The following DGKH variants were observed in gnomAD, a reference collection of about 807,000 sequenced individuals.
DGKH encodes the protein diacylglycerol kinase eta, also known as DAG kinase eta.
A neutral mutation model predicts 159.3 loss-of-function variants in DGKH; 90 were observed. The ratio of observed to expected loss-of-function variants is 0.57; its 90% CI spans 0.48 to 0.67. The LOEUF is 0.67. Among genes scored for constraint, DGKH ranks in the 30% least tolerant of loss-of-function variants. The pLI, the probability that DGKH is intolerant of heterozygous loss-of-function variation, is 0.00. For missense variants in DGKH, 1,181 were observed against 1,506.1 expected (o/e 0.78, Z 3.57); for synonymous variants, 536 against 553.8 (o/e 0.97, Z 0.45).
At chr13:42,221,487 C>T (rs1594235252) in intron 29 of DGKH, 93 bp downstream of exon 29, 2 of 1,512,384 alleles carry the variant, frequency 1.3e-6, no homozygotes, top group East Asian at 2.3e-5. Context: ...TTTAGCTTCG[C>T]TTATGTCATG....
intron 1 of DGKH, among the ~76,000 whole-genome samples, chr13:42,075,528 T>C (rs1394774850): frequency 6.6e-6 from 1 of 152,208 alleles, no homozygotes; most frequent in Non-Finnish European, 1.5e-5. Context: ...CCTTAAATCT[T>C]TCAGAAGCCC....
At position 42,241,674 on chromosome 13, in the gene DGKH, A is replaced by G. The variant is rs998548130; in HGVS notation, c.*12486A>G. 1.3e-5 allele frequency: 2 copies of G among 152,236 alleles called. No individual in the cohort carries two copies. The highest frequency in any genetic ancestry group is 1.9e-4 in the East Asian group (1 of 5,202). 9.4% of individuals were successfully genotyped at this position (152,236 alleles called of 1,614,324 possible). A position where few individuals can be genotyped will look rare whatever the true frequency, so the allele number is the denominator to read the frequency against. On this transcript the variant is annotated 3_prime_UTR_variant, in exon 30 of 30. Coordinates refer to ENST00000337343, the MANE Select transcript of DGKH (RefSeq NM_178009.5). Reference sequence around the variant, plus strand: ...AAGGGAAAAAGTAATGCTTTCTGGTATACTTCAGAGGCTCCATTTGAAGAT... The same window carrying G: ...AAGGGAAAAAGTAATGCTTTCTGGTGTACTTCAGAGGCTCCATTTGAAGAT...
At chr13:42,247,560 A>G (rs1225393631), downstream of DGKH, among the ~76,000 whole-genome samples, 1 of 152,122 alleles carries the variant, frequency 6.6e-6, no homozygotes, top group Admixed American at 6.5e-5. Context: ...ATTAGAGGGT[A>G]CTCCTACTTA....
At chr13:42,160,445 C>A (rs1258965211) in intron 7 of DGKH, among the ~76,000 whole-genome samples, 1 of 152,178 alleles carries the variant, frequency 6.6e-6, no homozygotes, top group African/African-American at 2.4e-5. Flanking sequence ...TATTTTACTA[C>A]CTGAAAGCCC....
intron 5 of DGKH, 143 bp from the exon 6 acceptor site, chr13:42,159,123 A>C (rs906470417): frequency 1.3e-5 from 7 of 537,498 alleles, no homozygotes; most frequent in Admixed American, 6.9e-5. Flanking sequence ...TTGTTGCAGA[A>C]TAATTTAATC....
intron 26 of DGKH, chr13:42,216,810 T>C (rs1408124510): frequency 2.0e-5 from 3 of 152,228 alleles, no homozygotes; most frequent in South Asian, 4.1e-4. Context: ...GAGCCCCTTC[T>C]TGGCTTTTTT....
intron 29 of DGKH, among the ~76,000 whole-genome samples, chr13:42,226,041 A>G (rs1353354707): frequency 6.6e-6 from 1 of 152,138 alleles, no homozygotes; most frequent in Non-Finnish European, 1.5e-5. Context: ...AATTTTTGCA[A>G]TCTGTCCATC....
At chr13:42,152,025 A>G (rs1251961115) in intron 3 of DGKH, among the ~76,000 whole-genome samples, 3 of 152,088 alleles carry the variant, frequency 2.0e-5, no homozygotes. Context: ...TGCATTTCTC[A>G]TGATGAGTGA....
chr13:42,213,516 C>A (rs1957715333), intron 24 of DGKH, among the ~76,000 whole-genome samples: 1 of 152,202 alleles, frequency 6.6e-6, no homozygotes, highest in Non-Finnish European at 1.5e-5. Context: ...CTTTATCCAT[C>A]TCTGTTCTTC....
At chr13:42,250,366 A>G (rs1422982043) in intron 29 of DGKH, among the ~76,000 whole-genome samples, 4 of 152,196 alleles carry the variant, frequency 2.6e-5, no homozygotes, top group Admixed American at 6.5e-5. Context: ...TATACATTGT[A>G]TAATGATCAA....
intron 24 of DGKH, among the ~76,000 whole-genome samples, chr13:42,212,579 T>C (rs535241943): frequency 6.6e-6 from 1 of 152,354 alleles, no homozygotes; most frequent in African/African-American, 2.4e-5. Context: ...AAGCGAAGAT[T>C]GACTAGGCTT....
At chr13:42,048,640 G>C, upstream of DGKH, 1 of 1,125,630 alleles carries the variant, frequency 8.9e-7, no homozygotes. The surrounding 1 kb of genome is among the most constrained non-coding windows in gnomAD (Gnocchi z 6.7). Flanking sequence ...ACCTCGCGGG[G>C]GTAGCTAGGG....
At chr13:42,139,617 T>C (rs1955489719) in intron 3 of DGKH, among the ~76,000 whole-genome samples, 1 of 152,192 alleles carries the variant, frequency 6.6e-6, no homozygotes, top group African/African-American at 2.4e-5. Context: ...TCTGTCCTAG[T>C]CTGTTGCACA....
At chr13:42,250,260 C>T (rs1046111005) in intron 29 of DGKH, among the ~76,000 whole-genome samples, 12 of 150,816 alleles carry the variant, frequency 8.0e-5, no homozygotes, top group Admixed American at 1.3e-4. Flanking sequence ...TGAGCCCCCA[C>T]GACCGGCCAC....
intron 1 of DGKH, among the ~76,000 whole-genome samples, chr13:42,100,227 G>C (rs536377209): frequency 6.6e-6 from 1 of 152,324 alleles, no homozygotes; most frequent in Non-Finnish European, 1.5e-5. Context: ...CAGGGATCTA[G>C]GTTGTGCACT....
At chr13:42,195,509 A>G (rs1957185078) in intron 17 of DGKH, among the ~76,000 whole-genome samples, 1 of 152,184 alleles carries the variant, frequency 6.6e-6, no homozygotes, top group African/African-American at 2.4e-5. Flanking sequence ...CTCAGAAAAC[A>G]AACAAACAAA....
upstream of DGKH, among the ~76,000 whole-genome samples, chr13:42,047,072 C>T (rs1284064402): frequency 2.0e-5 from 3 of 152,240 alleles, no homozygotes; most frequent in Non-Finnish European, 2.9e-5. Context: ...GAGTTCTAAG[C>T]GTTCTTAAAA....
intron 20 of DGKH, among the ~76,000 whole-genome samples, chr13:42,203,047 C>G (rs1385593570): frequency 6.6e-6 from 1 of 152,086 alleles, no homozygotes; most frequent in Non-Finnish European, 1.5e-5. Context: ...TTGTTTAATT[C>G]ACATTTTTAG....
At chr13:42,105,038 TG>T (rs1455455934) in intron 1 of DGKH, among the ~76,000 whole-genome samples, 1 of 152,020 alleles carries the variant, frequency 6.6e-6, no homozygotes, top group East Asian at 1.9e-4. Context: ...TATGTATGTA[TG>T]TATGTATGTG....
Sources: allele counts gnomAD v4.1 joint callset (sites outside exome capture counted in the v4.1 genomes callset), GRCh38; gene constraint gnomAD v4.1.1; non-coding constraint Gnocchi (gnomAD v3.1); transcripts MANE v1.5; gene names NCBI Gene and HGNC (gene_info 2026-07-23, HGNC 2026-07-21).